ARIH1: variants seen among roughly 807,000 people sequenced by gnomAD.
The protein encoded by ARIH1 is ariadne RBR E3 ubiquitin protein ligase 1, also known as E3 ubiquitin-protein ligase ARIH1.
In ARIH1, 8 loss-of-function variants were observed where a neutral mutation model predicts 85.0. The observed-to-expected ratio is 0.09, with a 90% CI of 0.06 to 0.17. The LOEUF is 0.17. Among genes scored for constraint, ARIH1 ranks in the 10% least tolerant of loss-of-function variants. The pLI is 1.00. For synonymous variants in ARIH1, 238 were observed against 253.6 expected (o/e 0.94, Z 0.59); for missense variants, 311 against 718.1 (o/e 0.43, Z 6.48).
intron 1 of ARIH1, among the ~76,000 whole-genome samples, chr15:72,514,192 C>G (rs2063964273): frequency 6.6e-6 from 1 of 151,882 alleles, no homozygotes; most frequent in African/African-American, 2.4e-5. Context: ...CTGAACTATA[C>G]TTTTAGTGAA....
chr15:72,522,855 C>G (rs112245401), intron 2 of ARIH1, among the ~76,000 whole-genome samples: 1 of 152,158 alleles, frequency 6.6e-6, no homozygotes, highest in East Asian at 1.9e-4. Flanking sequence ...AGACACCTCA[C>G]CAAAGAAGTT....
At chr15:72,511,560 C>T (rs1004578169) in intron 1 of ARIH1, among the ~76,000 whole-genome samples, 3 of 152,136 alleles carry the variant, frequency 2.0e-5, no homozygotes, top group African/African-American at 7.2e-5. Flanking sequence ...ACACCTTGGC[C>T]TCTCAAAGTG....
chr15:72,532,982 A>G (rs1056847154), intron 2 of ARIH1, among the ~76,000 whole-genome samples: 1 of 152,256 alleles, frequency 6.6e-6, no homozygotes, highest in Non-Finnish European at 1.5e-5. Context: ...GAAATGTTAA[A>G]AAAGATTTCC....
intron 1 of ARIH1, among the ~76,000 whole-genome samples, chr15:72,480,185 AG>A (rs1199167417): frequency 6.6e-6 from 1 of 151,490 alleles, no homozygotes; most frequent in Non-Finnish European, 1.5e-5. Flanking sequence ...GTACTATTCT[AG>A]CATATTGTTT....
intron 1 of ARIH1, among the ~76,000 whole-genome samples, chr15:72,478,233 A>C (rs1045098590): frequency 1.3e-5 from 2 of 152,080 alleles, no homozygotes; most frequent in Non-Finnish European, 2.9e-5. Flanking sequence ...CTCCTGCCTG[A>C]GCCTCCCGAG....
rs1212900685 is a variant in ARIH1, at chr15:72,567,201, C to A, written c.1026+24C>A. ...AGGTTGGTGTTTTCCTTCAGTAACT[C>A]TTGGTAATAAAAATGATAAGGATTG... On this transcript the variant is annotated intron_variant, in intron 9 of 13. Transcript: ENST00000379887. 2.5e-6 allele frequency: 4 copies of A among 1,585,014 alleles called. No homozygotes were observed. The East Asian group carries it at 9.1e-5, about 36-fold the overall frequency.
At chr15:72,547,160 C>T (rs898568545) in intron 3 of ARIH1, among the ~76,000 whole-genome samples, 2 of 151,734 alleles carry the variant, frequency 1.3e-5, no homozygotes. Context: ...ATCTCCTGAC[C>T]TCATGATCTG....
chr15:72,592,591 C>T lies in ARIH1; in HGVS notation c.*9299C>T, dbSNP rs1370552175. Reference sequence around the variant, plus strand: ...AATCACCCCTGAGCACCTCCCCACTCCAGTGATCACTTCTTGATTTTTATC... The same window carrying T: ...AATCACCCCTGAGCACCTCCCCACTTCAGTGATCACTTCTTGATTTTTATC... On this transcript the variant is annotated 3_prime_UTR_variant, in exon 14 of 14. Coordinates refer to ENST00000379887, the MANE Select transcript of ARIH1 (RefSeq NM_005744.5). 6.6e-6 allele frequency: 1 copy of T among 152,178 alleles called. No individual in the cohort carries two copies. The highest frequency in any genetic ancestry group is 1.5e-5 in the Non-Finnish European group (1 of 68,026). The allele number at this position is 152,178 out of a possible 1,614,324, so 9.4% of individuals were successfully genotyped here.
At chr15:72,487,893 T>C (rs2063843578) in intron 1 of ARIH1, among the ~76,000 whole-genome samples, 1 of 152,234 alleles carries the variant, frequency 6.6e-6, no homozygotes. Context: ...GCTAATTTTT[T>C]TCAATCTCAT....
At position 72,580,754 on chromosome 15, in the gene ARIH1, G is replaced by A. The variant is rs372353356; in HGVS notation, c.1239G>A (p.Arg413=). 1.1e-5 allele frequency: 17 copies of A among 1,613,802 alleles called. No homozygotes were observed. The highest frequency in any genetic ancestry group is 1.7e-4 in the Middle Eastern group (1 of 6,060). ...AQERSRAALQ[R]YLFYCNRYMN... ...AGCGATCTAGGGCAGCCCTGCAGAGGTACCTGTTCTACTGTAATCGCTATA... is the reference window on the plus strand; with the variant it reads ...AGCGATCTAGGGCAGCCCTGCAGAGATACCTGTTCTACTGTAATCGCTATA... Residue 413 remains arginine (R), a synonymous_variant, in exon 12 of 14, where the codon AGG becomes AGA. Coordinates refer to ENST00000379887, the MANE Select transcript of ARIH1 (RefSeq NM_005744.5).
At chr15:72,519,229 T>G (rs1013633370) in intron 2 of ARIH1, among the ~76,000 whole-genome samples, 1 of 152,106 alleles carries the variant, frequency 6.6e-6, no homozygotes, top group African/African-American at 2.4e-5. Context: ...TCCCATTTGA[T>G]TTTAAAATTC....
chr15:72,576,234 G>A (rs541713582), intron 11 of ARIH1, among the ~76,000 whole-genome samples: 9 of 152,176 alleles, frequency 5.9e-5, no homozygotes, highest in East Asian at 3.9e-4. Context: ...GGCCGGGCGC[G>A]GTGGCTCATG....
rs747096561 is a variant in ARIH1, at chr15:72,583,196, C to G, written c.1590-12C>G. 2.0e-6 allele frequency: 3 copies of G among 1,490,770 alleles called. No individual in the cohort carries two copies. Among genetic ancestry groups the G allele is most frequent in the Non-Finnish European group, 2.7e-6 (3 of 1,112,880 alleles). The allele number at this position is 1,490,770 out of a possible 1,614,324, so 92.3% of individuals were successfully genotyped here. On this transcript the variant is annotated splice_polypyrimidine_tract_variant and intron_variant, in intron 13 of 13. Coordinates refer to ENST00000379887, the MANE Select transcript of ARIH1 (RefSeq NM_005744.5). ...TGACAACAAGTTTTTTTTTTTTTCT[C>G]TTTGATTACAGATACTGTGAGAGTC...
At chr15:72,542,040 A>G (rs558537258) in intron 2 of ARIH1, among the ~76,000 whole-genome samples, 12 of 152,358 alleles carry the variant, frequency 7.9e-5, no homozygotes, top group Admixed American at 3.3e-4. Flanking sequence ...TGTTTCCAAT[A>G]GATGAAACAA....
chr15:72,559,008 C>T (rs2064186282), intron 5 of ARIH1, among the ~76,000 whole-genome samples: 1 of 152,130 alleles, frequency 6.6e-6, no homozygotes, highest in African/African-American at 2.4e-5. Context: ...TAATATAAAA[C>T]TCATTTTAAT....
chr15:72,542,561 T>C (rs1346648483), intron 2 of ARIH1, among the ~76,000 whole-genome samples: 1 of 152,204 alleles, frequency 6.6e-6, no homozygotes, highest in Non-Finnish European at 1.5e-5. Flanking sequence ...GGATATATTA[T>C]AGTAAATAAC....
intron 2 of ARIH1, among the ~76,000 whole-genome samples, chr15:72,541,147 C>A (rs944147454): frequency 6.6e-6 from 1 of 152,044 alleles, no homozygotes; most frequent in Middle Eastern, 3.2e-3. Flanking sequence ...TAAAAGGAAG[C>A]GGTGTATCAA....
At chr15:72,549,441 T>G (rs987776045) in intron 3 of ARIH1, among the ~76,000 whole-genome samples, 2 of 152,120 alleles carry the variant, frequency 1.3e-5, no homozygotes, top group African/African-American at 2.4e-5. Flanking sequence ...ATAAGATATG[T>G]GAAGTAGGTA....
rs2064308490 is a variant in ARIH1, at chr15:72,584,640, A to G, written c.*1348A>G. ...GTTTGAAGGCAAACACCCCTAGAAC[A>G]TGATATTCCCATCTAGTGCATTTAA... On this transcript the variant is annotated 3_prime_UTR_variant, in exon 14 of 14. Transcript: ENST00000379887. The G allele has an allele frequency of 6.6e-6, 1 of 152,104 alleles. No individual in the cohort carries two copies. The highest frequency in any genetic ancestry group is 1.5e-5 in the Non-Finnish European group (1 of 68,020). 9.4% of individuals were successfully genotyped at this position (152,104 alleles called of 1,614,324 possible). A position where few individuals can be genotyped will look rare whatever the true frequency, so the allele number is the denominator to read the frequency against.
Sources: allele counts gnomAD v4.1 joint callset (sites outside exome capture counted in the v4.1 genomes callset), GRCh38; gene constraint gnomAD v4.1.1; transcripts MANE v1.5; gene names NCBI Gene and HGNC (gene_info 2026-07-23, HGNC 2026-07-21).